Variants in ATP2C2 observed in about 807,000 individuals in gnomAD.
ATP2C2 encodes the protein ATPase secretory pathway Ca2+ transporting 2, also known as calcium-transporting ATPase type 2C member 2.
In ATP2C2, 171 loss-of-function variants were observed where a neutral mutation model predicts 110.8. That is an observed-to-expected ratio of 1.54 (90% confidence interval 1.36 to 1.75). The LOEUF is 1.75. ATP2C2 is among the 40% of genes most tolerant of loss of function. The probability of loss-of-function intolerance (pLI) is 0.00; values close to 1 mark genes in which losing one functional copy is unlikely to be tolerated. For missense variants in ATP2C2, 1,963 were observed against 1,235.0 expected, an observed-to-expected ratio of 1.59 and a Z score of -8.84; for synonymous variants, 804 against 508.4, an observed-to-expected ratio of 1.58 and a Z score of -7.82.
chr16:84,396,449 G>C (rs6564029), intron 1 of ATP2C2, among the ~76,000 whole-genome samples: 88,723 of 150,620 alleles, frequency 0.59, 26,395 homozygotes, highest in South Asian at 0.66. Flanking sequence ...ACTGGGGAGG[G>C]TGAGGCAGGA....
chr16:84,387,618 C>T (rs1255301023), intron 1 of ATP2C2, among the ~76,000 whole-genome samples: 1 of 152,202 alleles, frequency 6.6e-6, no homozygotes, highest in Non-Finnish European at 1.5e-5. Flanking sequence ...TACTATAGAG[C>T]AACAAAAGAG....
intron 2 of ATP2C2, chr16:84,404,566 G>A (rs1905582247): frequency 4.3e-6 from 1 of 231,144 alleles, no homozygotes; most frequent in African/African-American, 2.3e-5. Context: ...TTCATTGTGT[G>A]TGTACACCAT....
At chr16:84,445,192 T>G (rs1339508671) in intron 15 of ATP2C2, among the ~76,000 whole-genome samples, 1 of 151,122 alleles carries the variant, frequency 6.6e-6, no homozygotes, top group Non-Finnish European at 1.5e-5. Context: ...CCGCCACGCC[T>G]CTGCGCAGCG....
intron 1 of ATP2C2, among the ~76,000 whole-genome samples, chr16:84,372,556 C>G (rs1048566388): frequency 6.6e-6 from 1 of 151,990 alleles, no homozygotes; most frequent in Non-Finnish European, 1.5e-5. Flanking sequence ...TCCCGAGTAG[C>G]TGGGATTACA....
In ATP2C2 at chr16:84,444,093, G is replaced by C. The variant is rs146096000; in HGVS notation, c.1401+1494G>C. Among the ~76,000 whole-genome samples, 195 of 148,722 alleles carry C rather than the reference G, an allele frequency of 1.3e-3. 1 individual carries two copies. The highest frequency in any genetic ancestry group is 4.8e-3 in the African/African-American group (190 of 39,724). ...GAGGCAGGAGGATCCCTTGAGCCCA[G>C]GAGTCTGAGGCTGCAATGAGCTATG... On this transcript the variant is annotated intron_variant, in intron 15 of 26. Coordinates refer to ENST00000262429, the MANE Select transcript of ATP2C2 (RefSeq NM_014861.4).
chr16:84,450,780 C>A (rs74036206), intron 17 of ATP2C2, among the ~76,000 whole-genome samples: 1,624 of 152,244 alleles, frequency 0.011, 37 homozygotes, highest in African/African-American at 0.035. Flanking sequence ...GGCAAGCTCA[C>A]AGCAAGAGTC....
Position 84,441,195 on chromosome 16 carries a change from G to A in ATP2C2, c.1311+237G>A, listed in dbSNP as rs1357890787. Among the ~76,000 whole-genome samples the A allele has an allele frequency of 2.6e-5, 4 of 152,206 alleles. No individual in the cohort carries two copies. The East Asian group carries it at 5.8e-4, about 22-fold the overall frequency. ...TGCCCGTTATCCCAGCACTTTGGGAGGCCAAGGCAGGAGAATCACTTGAGG... is the reference window on the plus strand; with the variant it reads ...TGCCCGTTATCCCAGCACTTTGGGAAGCCAAGGCAGGAGAATCACTTGAGG... On this transcript the variant is annotated intron_variant, in intron 14 of 26. Coordinates refer to ENST00000262429, the MANE Select transcript of ATP2C2 (RefSeq NM_014861.4).
chr16:84,417,252 G>A (rs1264873016), intron 7 of ATP2C2, among the ~76,000 whole-genome samples: 2 of 152,166 alleles, frequency 1.3e-5, no homozygotes, highest in Non-Finnish European at 2.9e-5. Context: ...CAGGTGTGGG[G>A]GCTGCCGTAC....
intron 1 of ATP2C2, among the ~76,000 whole-genome samples, chr16:84,391,605 C>G (rs1460897629): frequency 6.6e-6 from 1 of 152,144 alleles, no homozygotes; most frequent in African/African-American, 2.4e-5. Flanking sequence ...TGCTGTGATA[C>G]GTACACATGC....
chr16:84,443,528 ACCCT>A (rs1909462693), intron 15 of ATP2C2, among the ~76,000 whole-genome samples: 1 of 151,396 alleles, frequency 6.6e-6, no homozygotes, highest in Non-Finnish European at 1.5e-5. Flanking sequence ...CCCTGCACTC[ACCCT>A]CCCTTCCTGC....
At chr16:84,382,894 T>TAA (rs1170344466) in intron 1 of ATP2C2, among the ~76,000 whole-genome samples, 158 of 91,710 alleles carry the variant, frequency 1.7e-3, no homozygotes, top group Middle Eastern at 6.5e-3. Context: ...AGACTCCATC[T>TAA]AAAAAAAAAA....
intron 7 of ATP2C2, among the ~76,000 whole-genome samples, chr16:84,422,125 C>G (rs1179449326): frequency 6.6e-6 from 1 of 152,048 alleles, no homozygotes; most frequent in Middle Eastern, 3.2e-3. Flanking sequence ...AAATAGCCAT[C>G]ACCTTCATTT....
At chr16:84,400,102 C>T (rs917387810) in intron 2 of ATP2C2, among the ~76,000 whole-genome samples, 3 of 152,118 alleles carry the variant, frequency 2.0e-5, no homozygotes, top group Admixed American at 6.5e-5. Flanking sequence ...GGATCTCATT[C>T]TTTTTTATGG....
intron 11 of ATP2C2, among the ~76,000 whole-genome samples, chr16:84,431,894 G>A (rs564245423): frequency 5.3e-5 from 8 of 152,262 alleles, no homozygotes; most frequent in South Asian, 4.1e-4. Context: ...TTACAGAAGC[G>A]GGGGCTGGGA....
chr16:84,397,431 C>T (rs1341865883), intron 1 of ATP2C2, among the ~76,000 whole-genome samples: 1 of 151,350 alleles, frequency 6.6e-6, no homozygotes, highest in East Asian at 1.9e-4. Flanking sequence ...ATATTGTTGC[C>T]CTACTCTGTC....
At position 84,447,678 on chromosome 16, in the gene ATP2C2, C is replaced by CATATATTATTTAATATATATATGTAAT. The variant is rs1909872062; in HGVS notation, c.1504-835_1504-834insATGTAATATATATTATTTAATATATAT. On this transcript the variant is annotated intron_variant, in intron 16 of 26. Coordinates refer to ENST00000262429, the MANE Select transcript of ATP2C2 (RefSeq NM_014861.4). The stretch of plus-strand genomic sequence containing the variant: ...TATGTAATATATATTACATATATTA[C>CATATATTATTTAATATATATATGTAAT]ATATATTATTTAATATATATTATGT... 1.4e-5 allele frequency among the ~76,000 whole-genome samples: 2 copies of CATATATTATTTAATATATATATGTAAT among 141,906 alleles called. 1 individual carries two copies. The highest frequency in any genetic ancestry group is 5.3e-5 in the African/African-American group (2 of 37,654). The allele number at this position is 141,906 out of a possible 152,430, so 93.1% of individuals were successfully genotyped here. A position where few individuals can be genotyped will look rare whatever the true frequency, so the allele number is the denominator to read the frequency against.
In ATP2C2 at chr16:84,424,574, G is replaced by A. The variant is rs1567714536; in HGVS notation, c.920-1161G>A. Among the ~76,000 whole-genome samples the A allele has an allele frequency of 5.4e-5, 4 of 74,010 alleles. No individual in the cohort carries two copies. In the East Asian group the frequency reaches 1.3e-3, roughly 23 times the overall value. The allele number at this position is 74,010 out of a possible 152,430, so 48.6% of individuals were successfully genotyped here. Reference sequence around the variant, plus strand: ...ATTACAGGCATGAGCCACCGCACTGGGCTTTTTTTTTTTTTTTTTTTTTTT... The same window carrying A: ...ATTACAGGCATGAGCCACCGCACTGAGCTTTTTTTTTTTTTTTTTTTTTTT... On this transcript the variant is annotated intron_variant, in intron 10 of 26. Transcript: ENST00000262429.
intron 3 of ATP2C2, chr16:84,406,497 C>T: frequency 1.4e-6 from 1 of 740,316 alleles, no homozygotes; most frequent in Non-Finnish European, 1.6e-6. Context: ...TTACAGCTTC[C>T]TCCATTGGTC....
At chr16:84,384,726 C>G (rs994234725) in intron 1 of ATP2C2, among the ~76,000 whole-genome samples, 8 of 152,182 alleles carry the variant, frequency 5.3e-5, no homozygotes, top group Non-Finnish European at 1.0e-4. Context: ...CTAATTCCAT[C>G]TACATTAGTC....
Sources: allele counts gnomAD v4.1 joint callset (sites outside exome capture counted in the v4.1 genomes callset), GRCh38; gene constraint gnomAD v4.1.1; transcripts MANE v1.5; gene names NCBI Gene and HGNC (gene_info 2026-07-23, HGNC 2026-07-21).